The following DAPK1 variants were observed in gnomAD, a reference collection of about 807,000 sequenced individuals.
The protein encoded by DAPK1 is death-associated protein kinase 1.
A neutral mutation model predicts 144.9 loss-of-function variants in DAPK1; 56 were observed. The observed-to-expected ratio is 0.39, with a 90% confidence interval of 0.31 to 0.48. The LOEUF (loss-of-function observed/expected upper bound fraction) is 0.48, where lower values mean the gene tolerates loss of function less well. Among genes scored for constraint, DAPK1 ranks in the 20% least tolerant of loss-of-function variants. The probability of loss-of-function intolerance (pLI) is 0.95; values close to 1 mark genes in which losing one functional copy is unlikely to be tolerated. For synonymous variants in DAPK1, 690 were observed against 749.0 expected (o/e 0.92, Z 1.29); for missense variants, 1,454 against 1,875.4 (o/e 0.78, Z 4.15).
intron 2 of DAPK1, among the ~76,000 whole-genome samples, chr9:87,604,511 T>C (rs1276720202): frequency 6.6e-6 from 1 of 152,196 alleles, no homozygotes; most frequent in Non-Finnish European, 1.5e-5. Context: ...TTAATATTGG[T>C]GCTAGAAATA....
chr9:87,688,191 A>G (rs1824933479), intron 21 of DAPK1, among the ~76,000 whole-genome samples: 1 of 151,038 alleles, frequency 6.6e-6, no homozygotes, highest in Non-Finnish European at 1.5e-5. Context: ...AACATGCCAT[A>G]TTTGGTTTTC....
At chr9:87,595,710 G>A (rs371734186) in intron 2 of DAPK1, among the ~76,000 whole-genome samples, 13 of 152,080 alleles carry the variant, frequency 8.5e-5, no homozygotes, top group Non-Finnish European at 1.9e-4. Flanking sequence ...GGATGCTTTC[G>A]CCAAGGGACC....
chr9:87,570,960 G>A (rs1462350636), intron 2 of DAPK1, among the ~76,000 whole-genome samples: 1 of 152,160 alleles, frequency 6.6e-6, no homozygotes, highest in Non-Finnish European at 1.5e-5. Context: ...ACACCCCCAG[G>A]ATTTGAGGCT....
At chr9:87,606,099 C>T (rs1828704744) in intron 3 of DAPK1, among the ~76,000 whole-genome samples, 1 of 152,162 alleles carries the variant, frequency 6.6e-6, no homozygotes, top group Admixed American at 6.5e-5. Context: ...TTTGCCCATC[C>T]AACAGTCCCC....
chr9:87,682,542 G>C (rs1266337120), intron 20 of DAPK1, among the ~76,000 whole-genome samples: 4 of 152,210 alleles, frequency 2.6e-5, no homozygotes, highest in Non-Finnish European at 5.9e-5. Flanking sequence ...GGAGGACGCT[G>C]GGGAGCATGG....
chr9:87,503,261 A>G (rs993441402), intron 2 of DAPK1, among the ~76,000 whole-genome samples: 1 of 151,558 alleles, frequency 6.6e-6, no homozygotes, highest in African/African-American at 2.4e-5. Context: ...GTGTGTGTAT[A>G]TGTATATATA....
chr9:87,579,256 A>G (rs562665395), intron 2 of DAPK1, among the ~76,000 whole-genome samples: 2 of 152,332 alleles, frequency 1.3e-5, no homozygotes, highest in African/African-American at 4.8e-5. Flanking sequence ...CAGAGAATCC[A>G]TCTTCTTGGA....
intron 2 of DAPK1, chr9:87,525,325 G>C (rs1825459688): frequency 6.2e-7 from 1 of 1,610,004 alleles, no homozygotes; most frequent in African/African-American, 1.3e-5. Flanking sequence ...AGCTGTACTG[G>C]AGCCACCCGC....
At chr9:87,645,626 T>A (rs2119156735) in intron 11 of DAPK1, among the ~76,000 whole-genome samples, 1 of 152,328 alleles carries the variant, frequency 6.6e-6, no homozygotes, top group East Asian at 1.9e-4. Context: ...TCATCATTAT[T>A]TGAAATCTGG....
intron 11 of DAPK1, 61 bp downstream of exon 11, chr9:87,643,529 G>A: frequency 2.7e-6 from 3 of 1,111,686 alleles, no homozygotes; most frequent in Non-Finnish European, 4.0e-6. Context: ...GAATGACCAA[G>A]CTGTTCTATT....
chr9:87,567,613 A>G (rs1827175759), intron 2 of DAPK1, among the ~76,000 whole-genome samples: 1 of 152,072 alleles, frequency 6.6e-6, no homozygotes, highest in African/African-American at 2.4e-5. Flanking sequence ...TGAATTCAAG[A>G]ACCTATAGCC....
chr9:87,692,508 T>A (rs1461449506), intron 21 of DAPK1, among the ~76,000 whole-genome samples: 1 of 152,184 alleles, frequency 6.6e-6, no homozygotes, highest in Non-Finnish European at 1.5e-5. Flanking sequence ...TTTATTCCTG[T>A]CATTTTATTA....
chr9:87,622,774 G>A (rs1829345657), intron 3 of DAPK1, among the ~76,000 whole-genome samples: 1 of 152,000 alleles, frequency 6.6e-6, no homozygotes, highest in Non-Finnish European at 1.5e-5. Context: ...AGCCGGGTGT[G>A]GTGGGGCGCA....
At chr9:87,678,860 AG>A (rs1024075734) in intron 19 of DAPK1, among the ~76,000 whole-genome samples, 22 of 152,294 alleles carry the variant, frequency 1.4e-4, no homozygotes, top group African/African-American at 5.1e-4. Context: ...AGTGCCCACC[AG>A]GGGTCAGTAT....
intron 2 of DAPK1, among the ~76,000 whole-genome samples, chr9:87,556,497 A>G (rs1420620061): frequency 6.6e-6 from 1 of 152,200 alleles, no homozygotes; most frequent in Non-Finnish European, 1.5e-5. Context: ...ATGGGTTAGT[A>G]TTCTGGCCAC....
chr9:87,551,789 C>T (rs1191846984), intron 2 of DAPK1, among the ~76,000 whole-genome samples: 1 of 152,062 alleles, frequency 6.6e-6, no homozygotes, highest in Non-Finnish European at 1.5e-5. Context: ...GTAACCAAGC[C>T]GGAGAGAGTC....
chr9:87,658,562 C>T (rs1317265736), intron 18 of DAPK1, among the ~76,000 whole-genome samples: 1 of 152,130 alleles, frequency 6.6e-6, no homozygotes, highest in Non-Finnish European at 1.5e-5. Flanking sequence ...ACCAGGCTGC[C>T]AGGTGCCGTA....
chr9:87,668,828 G>T (rs1660739027), intron 19 of DAPK1, 154 bp downstream of exon 19: 1 of 643,280 alleles, frequency 1.6e-6, no homozygotes. Flanking sequence ...ATGTCAGTCG[G>T]TATAAATGCA....
chr9:87,700,286 GT>G, intron 24 of DAPK1, 49 bp downstream of exon 24: 1 of 1,538,106 alleles, frequency 6.5e-7, no homozygotes, highest in Non-Finnish European at 9.0e-7. Context: ...TTCCTTCCTG[GT>G]TTGCCTCTGG....
Sources: gnomAD v4.1 joint callset for allele counts (sites outside exome capture counted in the v4.1 genomes callset) on GRCh38, gnomAD v4.1.1 for gene constraint, MANE v1.5 for transcripts, NCBI Gene and HGNC (gene_info 2026-07-23, HGNC 2026-07-21) for gene names.